Variants in TTLL3 observed in about 807,000 individuals in gnomAD.
TTLL3 encodes the protein tubulin monoglycylase TTLL3.
Under a neutral mutation model 75.2 loss-of-function variants are expected in TTLL3, and 63 were observed. The observed-to-expected ratio is 0.84, with a 90% confidence interval of 0.68 to 1.03. The LOEUF (loss-of-function observed/expected upper bound fraction) is 1.03, where lower values mean the gene tolerates loss of function less well. Among genes scored for constraint, TTLL3 ranks in the 50% least tolerant of loss-of-function variants. The pLI, the probability that TTLL3 is intolerant of heterozygous loss-of-function variation, is 0.00. For synonymous variants in TTLL3, 393 were observed against 418.5 expected (o/e 0.94, Z 0.74); for missense variants, 997 against 1,069.9 (o/e 0.93, Z 0.95).
chr3:9,818,653 C>A (rs2068071588), intron 6 of TTLL3, 169 bp from the exon 7 acceptor site: 4 of 1,464,396 alleles, frequency 2.7e-6, no homozygotes, highest in Non-Finnish European at 3.6e-6. Flanking sequence ...CAGGCGTCAG[C>A]CACCGTGACC....
At chr3:9,820,262 CA>C (rs1208887006) in intron 7 of TTLL3, 67 of 1,206,276 alleles carry the variant, frequency 5.6e-5, no homozygotes, top group Middle Eastern at 6.7e-4. Context: ...TTAGAGGTCC[CA>C]GGGGCAGAGA....
In TTLL3 at chr3:9,828,988, C is replaced by T. The variant is rs751155247; in HGVS notation, c.1276C>T (p.Gln426Ter). Residue 426 changes from glutamine (Q) to a stop codon, truncating the protein, a stop_gained, in exon 11 of 14, where the codon CAG (glutamine) becomes TAG (stop). Coordinates refer to ENST00000685419, the MANE Select transcript of TTLL3 (RefSeq NM_001387446.1). LOFTEE classifies it high-confidence loss of function. ...NSVHLCNNSI[Q>*]KHLENSCHRH... is the part of the protein sequence containing the mutation. ...AGTGCACCTGTGCAACAACTCCATC[C>T]AGAAGCACCTGGAGAACTCATGCCA... The T allele has an allele frequency of 7.4e-6, 12 of 1,614,220 alleles. No individual in the cohort carries two copies. In the South Asian group the frequency reaches 1.1e-4, roughly 15 times the overall value.
chr3:9,826,029 G>A, intron 9 of TTLL3, 81 bp downstream of exon 9: 1 of 1,538,386 alleles, frequency 6.5e-7, no homozygotes, highest in Non-Finnish European at 8.8e-7. Context: ...TAATAGTGCA[G>A]GTCTATTGAA....
chr3:9,835,729 C>A lies in TTLL3; in HGVS notation c.*240C>A. Reference sequence around the variant, plus strand: ...CTGCCGAGCACTGGGAGCCCCCCAACCCCAGAGAACAAGCCAAGCTAGCAG... The same window carrying A: ...CTGCCGAGCACTGGGAGCCCCCCAAACCCAGAGAACAAGCCAAGCTAGCAG... On this transcript the variant is annotated 3_prime_UTR_variant, in exon 14 of 14. Coordinates refer to ENST00000685419, the MANE Select transcript of TTLL3 (RefSeq NM_001387446.1). 1 of 492,838 alleles carries A rather than the reference C, an allele frequency of 2.0e-6. No homozygotes were observed. The highest frequency in any genetic ancestry group is 3.6e-6 in the Non-Finnish European group (1 of 281,550). The allele number at this position is 492,838 out of a possible 1,614,324, so 30.5% of individuals were successfully genotyped here.
Position 9,813,262 on chromosome 3 carries a change from GAC to G in TTLL3, c.233_234del (p.Asp78GlyfsTer13). 1 of 1,614,244 alleles carries G rather than the reference GAC, an allele frequency of 6.2e-7. No individual in the cohort carries two copies. Among genetic ancestry groups the G allele is most frequent in the Non-Finnish European group, 8.5e-7 (1 of 1,180,040 alleles). On this transcript the variant is annotated frameshift_variant, in exon 4 of 14. Coordinates refer to ENST00000685419, the MANE Select transcript of TTLL3 (RefSeq NM_001387446.1). LOFTEE classifies it high-confidence loss of function. ...DTTEDEDEDE[D>X]EEFQPSQLFD... is the part of the protein sequence containing the mutation. ...TGCATCCACAGAGGATGAAGATGAG[GAC>G]GAGGAGTTCCAGCCATCACAGCTGT...
intron 8 of TTLL3, among the ~76,000 whole-genome samples, chr3:9,822,964 C>A: frequency 6.6e-6 from 1 of 150,542 alleles, no homozygotes; most frequent in South Asian, 2.1e-4. Flanking sequence ...AAAACAATTC[C>A]ACTTGGGGCG....
At chr3:9,833,625 C>G (rs2081794281) in intron 12 of TTLL3, among the ~76,000 whole-genome samples, 1 of 152,162 alleles carries the variant, frequency 6.6e-6, no homozygotes, top group African/African-American at 2.4e-5. Flanking sequence ...ATCAGCCACC[C>G]CACCAAAGAG....
At chr3:9,814,629 C>CA (rs1553713332) in intron 4 of TTLL3, among the ~76,000 whole-genome samples, 2 of 151,570 alleles carry the variant, frequency 1.3e-5, no homozygotes, top group African/African-American at 2.4e-5. Context: ...GCCTGGGCGA[C>CA]AGAGTGAGAC....
At position 9,810,348 on chromosome 3, in the gene TTLL3, C is replaced by T; in HGVS notation, c.-88C>T. 1 of 1,424,104 alleles carries T rather than the reference C, an allele frequency of 7.0e-7. No homozygotes were observed. Among genetic ancestry groups the T allele is most frequent in the Non-Finnish European group, 9.1e-7 (1 of 1,103,632 alleles). 88.2% of individuals were successfully genotyped at this position (1,424,104 alleles called of 1,614,324 possible). A position where few individuals can be genotyped will look rare whatever the true frequency, so the allele number is the denominator to read the frequency against. ...CCCAGGGCGCCTCGGATACCCACCCCCTCGGCCCCCCGCACACCCCGGTCC... is the reference window on the plus strand; with the variant it reads ...CCCAGGGCGCCTCGGATACCCACCCTCTCGGCCCCCCGCACACCCCGGTCC... On this transcript the variant is annotated 5_prime_UTR_variant, in exon 1 of 14. Coordinates refer to ENST00000685419, the MANE Select transcript of TTLL3 (RefSeq NM_001387446.1). This position sits in a 1 kb window ranked among gnomAD's most constrained non-coding sequence, Gnocchi z 4.4.
Position 9,826,978 on chromosome 3 carries a change from C to T in TTLL3, c.1004-19C>T. 1.2e-6 allele frequency: 2 copies of T among 1,613,974 alleles called. No homozygotes were observed. Among genetic ancestry groups the T allele is most frequent in the Non-Finnish European group, 1.7e-6 (2 of 1,179,858 alleles). ...CCACGCCTGACCTTCCAATCCCTGA[C>T]TGCCCTCTTCCCCCGTAGGCATCAT... On this transcript the variant is annotated intron_variant, in intron 9 of 13. Coordinates refer to ENST00000685419, the MANE Select transcript of TTLL3 (RefSeq NM_001387446.1).
Position 9,835,385 on chromosome 3 carries a change from A to G in TTLL3, c.2344A>G (p.Lys782Glu), listed in dbSNP as rs749033036. ...TALVLDPTPNKKKQVKYLGLD... is the reference protein window; with the variant it reads ...TALVLDPTPNEKKQVKYLGLD... ...CCTTGTCCTGGATCCAACACCAAAT[A>G]AAAAGAAACAAGTGAAGTATTTGGG... is the stretch of plus-strand genomic sequence containing the variant. The change falls in exon 14 of 14, where the codon AAA becomes GAA. Residue 782 changes from lysine (K) to glutamate (E), a missense_variant. Physicochemically the swap from Lys to Glu is moderately conservative, Grantham distance 56 (BLOSUM62 1). Coordinates refer to ENST00000685419, the MANE Select transcript of TTLL3 (RefSeq NM_001387446.1). 2 of 1,613,960 alleles carry G rather than the reference A, an allele frequency of 1.2e-6. No homozygotes were observed. The highest frequency in any genetic ancestry group is 2.2e-5 in the East Asian group (1 of 44,868).
chr3:9,834,848 AT>A lies in TTLL3; in HGVS notation c.1996del (p.Ser666ProfsTer15), dbSNP rs761757929. On this transcript the variant is annotated frameshift_variant, in exon 13 of 14. Transcript: ENST00000685419. LOFTEE classifies it high-confidence loss of function. The stretch of plus-strand genomic sequence containing the variant: ...GACTCTACCCACGGCTAAGGTCTTC[AT>A]TTCCCTCCCACCGAACCTTGATTTC... ...LRTLPTAKVF[I>X]SLPPNLDFKV... 6.2e-7 allele frequency: 1 copy of A among 1,614,194 alleles called. No individual in the cohort carries two copies. The highest frequency in any genetic ancestry group is 1.1e-5 in the South Asian group (1 of 91,082).
At position 9,829,016 on chromosome 3, in the gene TTLL3, G is replaced by A. The variant is rs141771643; in HGVS notation, c.1304G>A (p.Arg435Gln). The stretch of plus-strand genomic sequence containing the variant: ...AAGCACCTGGAGAACTCATGCCATC[G>A]GCATCCACTGCTTCCGCCAGACAAC... ...IQKHLENSCHRHPLLPPDNMW... is the reference protein window; with the variant it reads ...IQKHLENSCHQHPLLPPDNMW... Residue 435 changes from arginine (R) to glutamine (Q), a missense_variant, in exon 11 of 14, where the codon CGG becomes CAG. By Grantham distance (43) the Arg-to-Gln change is conservative (BLOSUM62 1). Transcript: ENST00000685419. 9.3e-5 allele frequency: 150 copies of A among 1,614,064 alleles called. No individual in the cohort carries two copies. Among genetic ancestry groups the A allele is most frequent in the Admixed American group, 2.2e-4 (13 of 60,004 alleles).
rs1426059542 is a variant in TTLL3, at chr3:9,813,338, C to A, written c.308C>A (p.Ala103Asp). The A allele has an allele frequency of 1.9e-6, 3 of 1,614,042 alleles. No individual in the cohort carries two copies. Among genetic ancestry groups the A allele is most frequent in the Non-Finnish European group, 2.5e-6 (3 of 1,180,052 alleles). ...LKFDDLDGTH[A>D]LMSRMVQNEI... is the part of the protein sequence containing the mutation. ...TTTGATGACCTAGATGGAACACATG[C>A]TCTGATGGTGAGGGCCCTGGGGGCC... Residue 103 changes from alanine to aspartate, a missense_variant, in exon 4 of 14, where the codon GCT becomes GAT. By Grantham distance (126) the Ala-to-Asp change is moderately radical. Transcript: ENST00000685419.
At chr3:9,821,390 T>C (rs2080395907) in intron 8 of TTLL3, among the ~76,000 whole-genome samples, 2 of 152,232 alleles carry the variant, frequency 1.3e-5, no homozygotes, top group Admixed American at 6.5e-5. Flanking sequence ...GCAACTCCGA[T>C]GTGCCAAGCA....
At chr3:9,811,077 C>T (rs75355653) in intron 2 of TTLL3, among the ~76,000 whole-genome samples, 3,080 of 152,262 alleles carry the variant, frequency 0.02, 87 homozygotes, top group African/African-American at 0.07. Context: ...TTTCCTTTCT[C>T]CCTCTTTGGC....
chr3:9,820,776 G>T, intron 8 of TTLL3, 35 bp downstream of exon 8: 2 of 1,611,254 alleles, frequency 1.2e-6, no homozygotes, highest in Non-Finnish European at 1.7e-6. Flanking sequence ...TGGGCTGTGG[G>T]CAGGTGCTTA....
At chr3:9,828,724 G>A in intron 10 of TTLL3, 1 of 580,542 alleles carries the variant, frequency 1.7e-6, no homozygotes, top group Non-Finnish European at 3.1e-6. Context: ...ACTTACTACT[G>A]CGGCCCCCGT....
intron 10 of TTLL3, chr3:9,827,905 G>A (rs2081196057): frequency 6.6e-6 from 1 of 152,274 alleles, no homozygotes; most frequent in African/African-American, 2.4e-5. Context: ...ACTTTGGGAG[G>A]CCGAGGTGGG....
Sources: gnomAD v4.1 joint callset for allele counts (sites outside exome capture counted in the v4.1 genomes callset) on GRCh38, gnomAD v4.1.1 for gene constraint, Gnocchi (gnomAD v3.1) non-coding constraint, MANE v1.5 for transcripts, NCBI Gene and HGNC (gene_info 2026-07-23, HGNC 2026-07-21) for gene names.